SIN3A: variants seen among roughly 807,000 people sequenced by gnomAD.
SIN3A encodes the protein paired amphipathic helix protein Sin3a.
In SIN3A, 14 loss-of-function variants were observed where a neutral mutation model predicts 146.1. The observed-to-expected ratio is 0.10, with a 90% CI of 0.06 to 0.15. The LOEUF is 0.15. Among genes scored for constraint, SIN3A ranks in the 10% least tolerant of loss-of-function variants. The probability of loss-of-function intolerance (pLI) is 1.00; values close to 1 mark genes in which losing one functional copy is unlikely to be tolerated. For synonymous variants in SIN3A, 572 were observed against 572.0 expected (o/e 1.00, Z 0.00); for missense variants, 1,028 against 1,576.0 (o/e 0.65, Z 5.89).
At chr15:75,440,842 C>T (rs946879006) in intron 1 of SIN3A, among the ~76,000 whole-genome samples, 2 of 151,822 alleles carry the variant, frequency 1.3e-5, no homozygotes, top group East Asian at 3.9e-4. Flanking sequence ...ATTAGCCAGG[C>T]GTGGTGGCAG....
intron 19 of SIN3A, 61 bp downstream of exon 19, chr15:75,380,567 TA>T: frequency 1.6e-6 from 2 of 1,217,222 alleles, no homozygotes; most frequent in Non-Finnish European, 2.4e-6. Context: ...GAAAGTCATT[TA>T]ACTCTCCATT....
chr15:75,396,271 T>C lies in SIN3A; in HGVS notation c.2080A>G (p.Ile694Val), dbSNP rs761574516. 9 of 1,613,104 alleles carry C rather than the reference T, an allele frequency of 5.6e-6. No homozygotes were observed. The highest frequency in any genetic ancestry group is 1.7e-5 in the Admixed American group (1 of 60,010). Residue 694 changes from isoleucine (I) to valine (V), a missense_variant, in exon 13 of 21, where the codon ATT becomes GTT. By Grantham distance (29) the Ile-to-Val change is conservative. This residue lies in a region of SIN3A where 157 missense variants were observed against 284.8 expected (regional missense o/e 0.55). Transcript: ENST00000394947. ...TTGCTCATGTACCTTTTAAGGACAATTGGAACAGCAATGGAGGGATTCTTT... is the reference window on the plus strand; with the variant it reads ...TTGCTCATGTACCTTTTAAGGACAACTGGAACAGCAATGGAGGGATTCTTT... ...LRKNPSIAVP[I>V]VLKRLKMKEE...
chr15:75,421,195 A>G (rs1222280530), intron 3 of SIN3A: 1 of 152,174 alleles, frequency 6.6e-6, no homozygotes, highest in Non-Finnish European at 1.5e-5. Context: ...ATCACGCACA[A>G]CCAAGTTTTA....
intron 1 of SIN3A, among the ~76,000 whole-genome samples, chr15:75,436,618 T>C (rs1011946065): frequency 1.3e-5 from 2 of 152,162 alleles, no homozygotes; most frequent in Non-Finnish European, 2.9e-5. Context: ...AACCTAGTAG[T>C]AGAAAAATGA....
intron 15 of SIN3A, among the ~76,000 whole-genome samples, chr15:75,390,233 A>G (rs1326338588): frequency 1.3e-5 from 2 of 152,248 alleles, no homozygotes; most frequent in African/African-American, 2.4e-5. Flanking sequence ...AGCTATTTCA[A>G]TGAAGCATAA....
At chr15:75,396,701 T>C (rs528701932) in intron 12 of SIN3A, among the ~76,000 whole-genome samples, 5 of 152,308 alleles carry the variant, frequency 3.3e-5, no homozygotes, top group African/African-American at 1.2e-4. Flanking sequence ...GATTAAATGA[T>C]ACAATCCACA....
intron 2 of SIN3A, among the ~76,000 whole-genome samples, chr15:75,424,725 G>A (rs2141549382): frequency 6.6e-6 from 1 of 152,220 alleles, no homozygotes; most frequent in East Asian, 1.9e-4. Context: ...CACCTGCCTT[G>A]GCCTCCCAAA....
chr15:75,409,884 A>G lies in SIN3A; in HGVS notation c.1269T>C (p.Asn423=). The change falls in exon 8 of 21, where the codon AAT becomes AAC. Residue 423 remains asparagine (N), a synonymous_variant. Coordinates refer to ENST00000394947, the MANE Select transcript of SIN3A (RefSeq NM_001145358.2). ...TAGGATGTCTGCGGATCTGGCAGCC[A>G]TTCTGGCTGGGCCTCTGCGGCTTGT... ...LNNKPQRPSQ[N]GCQIRRHPTG... is the part of the protein sequence containing the mutation. 2 of 1,613,700 alleles carry G rather than the reference A, an allele frequency of 1.2e-6. No homozygotes were observed. Among genetic ancestry groups the G allele is most frequent in the Non-Finnish European group, 1.7e-6 (2 of 1,179,994 alleles).
At chr15:75,375,110 T>A (rs757305262) in intron 20 of SIN3A, among the ~76,000 whole-genome samples, 28 of 152,180 alleles carry the variant, frequency 1.8e-4, no homozygotes, top group Non-Finnish European at 3.7e-4. Context: ...TCTTACAGGC[T>A]GAACTGTATT....
chr15:75,450,187 A>G (rs1244978114), intron 1 of SIN3A, among the ~76,000 whole-genome samples: 2 of 152,168 alleles, frequency 1.3e-5, no homozygotes, highest in Non-Finnish European at 2.9e-5. Flanking sequence ...TCTTAAAAAA[A>G]AAAAACAAAC....
Position 75,430,386 on chromosome 15 carries a change from T to A in SIN3A, c.-11A>T. The A allele has an allele frequency of 6.3e-7, 1 of 1,598,218 alleles. No homozygotes were observed. Among genetic ancestry groups the A allele is most frequent in the Non-Finnish European group, 8.5e-7 (1 of 1,172,384 alleles). The stretch of plus-strand genomic sequence containing the variant: ...CAAACGCCGCTTCATTCTGTGCTCA[T>A]GCTCAGGGATGCACTACAAAACCTG... On this transcript the variant is annotated 5_prime_UTR_variant, in exon 2 of 21. An upstream start codon of the reference 5' UTR is lost. Transcript: ENST00000394947.
chr15:75,408,299 CCATT>C (rs2073557978), intron 8 of SIN3A, among the ~76,000 whole-genome samples: 1 of 152,160 alleles, frequency 6.6e-6, no homozygotes, highest in African/African-American at 2.4e-5. Context: ...GAAATAGAAA[CCATT>C]ATTATGTTCA....
intron 1 of SIN3A, among the ~76,000 whole-genome samples, chr15:75,441,175 T>G (rs2074203734): frequency 6.6e-6 from 1 of 151,918 alleles, no homozygotes; most frequent in Non-Finnish European, 1.5e-5. Flanking sequence ...CCGGGCATGG[T>G]GGCGTGTGCC....
intron 1 of SIN3A, among the ~76,000 whole-genome samples, chr15:75,444,537 G>A (rs915845902): frequency 6.6e-6 from 1 of 151,822 alleles, no homozygotes; most frequent in Non-Finnish European, 1.5e-5. Flanking sequence ...CAAGTAGTTA[G>A]TACTGCTTTA....
At chr15:75,418,940 G>C (rs1001444466) in intron 3 of SIN3A, among the ~76,000 whole-genome samples, 3 of 151,620 alleles carry the variant, frequency 2.0e-5, no homozygotes, top group Middle Eastern at 6.3e-3. Flanking sequence ...TCTATTTTTA[G>C]TAGAGACGGG....
At chr15:75,381,846 G>A (rs1327226983) in intron 17 of SIN3A, 141 bp from the exon 18 acceptor site, 4 of 673,294 alleles carry the variant, frequency 5.9e-6, no homozygotes, top group African/African-American at 1.9e-5. Context: ...CTAGATCTTG[G>A]GTGGCCAGTG....
At chr15:75,400,275 A>G in intron 11 of SIN3A, 119 bp from the exon 12 acceptor site, 1 of 621,892 alleles carries the variant, frequency 1.6e-6, no homozygotes. Flanking sequence ...TTACTTCACA[A>G]ATTTCACCTT....
intron 4 of SIN3A, 115 bp from the exon 5 acceptor site, chr15:75,413,160 T>A: frequency 1.0e-6 from 1 of 961,178 alleles, no homozygotes; most frequent in South Asian, 1.8e-5. Flanking sequence ...TTGCCCAGGC[T>A]GGACTGCAAT....
At chr15:75,408,212 C>T (rs1030225056) in intron 8 of SIN3A, among the ~76,000 whole-genome samples, 2 of 152,128 alleles carry the variant, frequency 1.3e-5, no homozygotes, top group African/African-American at 4.8e-5. Flanking sequence ...AGTGGGCGGA[C>T]GTAAATCCAA....
Sources: allele counts gnomAD v4.1 joint callset (sites outside exome capture counted in the v4.1 genomes callset), GRCh38; gene constraint gnomAD v4.1.1; regional missense constraint gnomAD v4.1.1; transcripts MANE v1.5; gene names NCBI Gene and HGNC (gene_info 2026-07-23, HGNC 2026-07-21).